The following AKR1D1 variants were observed in gnomAD, a reference collection of about 807,000 sequenced individuals.
AKR1D1 encodes the protein delta(4)-3-ketosteroid 5-beta-reductase.
A neutral mutation model predicts 42.6 loss-of-function variants in AKR1D1; 32 were observed. That is an observed-to-expected ratio of 0.75 (90% CI 0.57 to 1.01). AKR1D1 has a LOEUF of 1.01. Ranked by LOEUF, AKR1D1 falls within the 50% of genes least tolerant of loss-of-function variation. The pLI is 0.00. For missense variants in AKR1D1, 364 were observed against 402.2 expected, an observed-to-expected ratio of 0.91 and a Z score of 0.81; for synonymous variants, 123 against 135.5, an observed-to-expected ratio of 0.91 and a Z score of 0.64.
chr7:138,084,260 T>TTC (rs1803119176), intron 1 of AKR1D1, among the ~76,000 whole-genome samples: 1 of 150,500 alleles, frequency 6.6e-6, no homozygotes, highest in South Asian at 2.1e-4. Context: ...ATCTAGCTTT[T>TTC]TTTTTTTTTT....
intron 1 of AKR1D1, 71 bp from the exon 2 acceptor site, chr7:138,088,530 G>T: frequency 6.5e-7 from 1 of 1,527,178 alleles, no homozygotes; most frequent in South Asian, 1.1e-5. Flanking sequence ...CATGCAAAAT[G>T]TCCTGATTAA....
rs1794444538 is a variant in AKR1D1, at chr7:138,106,838, T to A, written c.689+121T>A. 6 of 761,894 alleles carry A rather than the reference T, an allele frequency of 7.9e-6. No individual in the cohort carries two copies. The South Asian group carries it at 8.8e-5, about 11-fold the overall frequency. 47.2% of individuals were successfully genotyped at this position (761,894 alleles called of 1,614,324 possible). The stretch of plus-strand genomic sequence containing the variant: ...CAACCTCTTCAAGTCATTATCTGTA[T>A]ATATGAATTAGAACTTTTCATACTT... On this transcript the variant is annotated intron_variant, in intron 6 of 8. Transcript: ENST00000242375.
chr7:138,115,100 T>C (rs1051010741), intron 8 of AKR1D1, among the ~76,000 whole-genome samples: 11 of 152,190 alleles, frequency 7.2e-5, no homozygotes, highest in Non-Finnish European at 1.5e-4. Context: ...GGTTAATTAA[T>C]AGCTCTTGAA....
chr7:138,115,844 T>C (rs972196115), intron 8 of AKR1D1, among the ~76,000 whole-genome samples: 1 of 152,232 alleles, frequency 6.6e-6, no homozygotes, highest in African/African-American at 2.4e-5. Flanking sequence ...ATCATCGTCA[T>C]AATCATCCAG....
chr7:138,104,948 G>A (rs1482945799), intron 4 of AKR1D1, among the ~76,000 whole-genome samples: 1 of 151,882 alleles, frequency 6.6e-6, no homozygotes. Flanking sequence ...TATTAGAGAT[G>A]AAGTCTCACT....
At chr7:138,108,333 T>C (rs1370483757) in intron 7 of AKR1D1, among the ~76,000 whole-genome samples, 1 of 152,226 alleles carries the variant, frequency 6.6e-6, no homozygotes, top group Non-Finnish European at 1.5e-5. Flanking sequence ...TAATTACCCA[T>C]TAGCTAATTT....
chr7:138,107,618 A>G (rs778914860), intron 7 of AKR1D1, 38 bp downstream of exon 7: 1 of 1,608,126 alleles, frequency 6.2e-7, no homozygotes, highest in Non-Finnish European at 8.5e-7. Context: ...AAAGATGGGT[A>G]TGTTTGCTAT....
intron 4 of AKR1D1, among the ~76,000 whole-genome samples, chr7:138,101,673 AATT>A (rs540328084): frequency 1.8e-3 from 269 of 152,324 alleles, no homozygotes; most frequent in Middle Eastern, 3.4e-3. Context: ...CACAATTGGA[AATT>A]ATTTTTAAAA....
chr7:138,106,582 C>G lies in AKR1D1; in HGVS notation c.580-26C>G. The G allele has an allele frequency of 5.1e-6, 8 of 1,581,934 alleles. No individual in the cohort carries two copies. The Admixed American group carries it at 8.3e-5, about 16-fold the overall frequency. On this transcript the variant is annotated intron_variant, in intron 5 of 8. Transcript: ENST00000242375. ...TCAACAACGTGGCCTTGATTTTGTGCTCTGCTCTCCAATGCAACCACATAG... is the reference window on the plus strand; with the variant it reads ...TCAACAACGTGGCCTTGATTTTGTGGTCTGCTCTCCAATGCAACCACATAG...
At chr7:138,095,761 G>A (rs957499723) in intron 3 of AKR1D1, among the ~76,000 whole-genome samples, 1 of 149,670 alleles carries the variant, frequency 6.7e-6, no homozygotes, top group Non-Finnish European at 1.5e-5. Flanking sequence ...CCTGACCTCA[G>A]CTGATCGGCC....
At chr7:138,100,112 A>AC (rs1794264921) in intron 4 of AKR1D1, among the ~76,000 whole-genome samples, 2 of 138,826 alleles carry the variant, frequency 1.4e-5, no homozygotes, top group African/African-American at 5.7e-5. Flanking sequence ...AAAAAAAAAA[A>AC]AAAAAACATA....
chr7:138,113,315 C>CAAAAA (rs34789634), intron 7 of AKR1D1, among the ~76,000 whole-genome samples: 1 of 115,716 alleles, frequency 8.6e-6, no homozygotes, highest in Admixed American at 8.9e-5. Context: ...GACCCTGTCT[C>CAAAAA]AAAAAAAAAA....
chr7:138,103,383 A>C (rs1794355025), intron 4 of AKR1D1, among the ~76,000 whole-genome samples: 1 of 152,216 alleles, frequency 6.6e-6, no homozygotes, highest in African/African-American at 2.4e-5. Context: ...ACAGATGTTG[A>C]GGGTAGATAA....
chr7:138,087,893 C>CTTTT (rs757196207), intron 1 of AKR1D1, among the ~76,000 whole-genome samples: 2 of 137,726 alleles, frequency 1.5e-5, no homozygotes, highest in African/African-American at 5.6e-5. Context: ...CATTTCTTTT[C>CTTTT]TTTTTTTTTT....
intron 7 of AKR1D1, among the ~76,000 whole-genome samples, chr7:138,109,556 C>G (rs1259190303): frequency 6.6e-6 from 1 of 152,136 alleles, no homozygotes; most frequent in Non-Finnish European, 1.5e-5. Context: ...ATACCCTGAC[C>G]CCAGGGCTAT....
chr7:138,092,013 T>C, intron 3 of AKR1D1, 129 bp downstream of exon 3: 2 of 619,512 alleles, frequency 3.2e-6, no homozygotes, highest in Non-Finnish European at 5.7e-6. Flanking sequence ...AGCCAATAGC[T>C]ATGTGCATGA....
In AKR1D1 at chr7:138,076,556, G is replaced by A; in HGVS notation, c.38G>A (p.Ser13Asn). 6.2e-7 allele frequency: 1 copy of A among 1,613,560 alleles called. No homozygotes were observed. Among genetic ancestry groups the A allele is most frequent in the Non-Finnish European group, 8.5e-7 (1 of 1,179,720 alleles). ...LSAASHRIPL[S>N]DGNSIPIIGL... is the part of the protein sequence containing the mutation. ...GCTGCAAGTCACCGCATACCTCTAA[G>A]TGATGGAAACAGCATTCCCATCATC... Residue 13 changes from serine (S) to asparagine (N), a missense_variant, in exon 1 of 9, where the codon AGT becomes AAT. Coordinates refer to ENST00000242375, the MANE Select transcript of AKR1D1 (RefSeq NM_005989.4).
chr7:138,100,766 G>A (rs1270816867), intron 4 of AKR1D1, among the ~76,000 whole-genome samples: 1 of 145,292 alleles, frequency 6.9e-6, no homozygotes, highest in Non-Finnish European at 1.5e-5. Context: ...GTGCAGTGGC[G>A]CGATCTCAGC....
At chr7:138,102,548 G>A (rs1038578000) in intron 4 of AKR1D1, among the ~76,000 whole-genome samples, 3 of 152,126 alleles carry the variant, frequency 2.0e-5, no homozygotes, top group African/African-American at 7.2e-5. Flanking sequence ...CAGTGACAGA[G>A]CAAGACTCCA....
Sources: allele counts gnomAD v4.1 joint callset (sites outside exome capture counted in the v4.1 genomes callset), GRCh38; gene constraint gnomAD v4.1.1; transcripts MANE v1.5; gene names NCBI Gene and HGNC (gene_info 2026-07-23, HGNC 2026-07-21).